The following TRPV3 variants were observed in gnomAD, a reference collection of about 807,000 sequenced individuals.
TRPV3 encodes transient receptor potential cation channel subfamily V member 3, also known as VRL-3.
A neutral mutation model predicts 87.1 loss-of-function variants in TRPV3; 88 were observed. The observed-to-expected ratio is 1.01, with a 90% CI of 0.85 to 1.21. The LOEUF (loss-of-function observed/expected upper bound fraction) is 1.21, where lower values mean the gene tolerates loss of function less well. Ranked by LOEUF, TRPV3 falls within the 50% of genes most tolerant of loss-of-function variation. The pLI, the probability that TRPV3 is intolerant of heterozygous loss-of-function variation, is 0.00. For missense variants in TRPV3, 1,054 were observed against 1,030.1 expected (o/e 1.02, Z -0.32); for synonymous variants, 438 against 423.3 (o/e 1.03, Z -0.43).
At position 3,514,684 on chromosome 17, in the gene TRPV3, A is replaced by G. The variant is rs1385535177; in HGVS notation, c.2199-12T>C. 2 of 1,606,916 alleles carry G rather than the reference A, an allele frequency of 1.2e-6. No individual in the cohort carries two copies. The highest frequency in any genetic ancestry group is 1.7e-6 in the Non-Finnish European group (2 of 1,173,802). On this transcript the variant is annotated splice_polypyrimidine_tract_variant and intron_variant, in intron 16 of 17. Coordinates refer to ENST00000576742, the MANE Select transcript of TRPV3 (RefSeq NM_145068.4). ...TCACCTCATTGATCCTGCAAATGTG[A>G]TAATCATTCTTACTATTTCACCAGT...
rs138521120 is a variant in TRPV3, at chr17:3,532,655, A to G, written c.1065+2T>C. Reference sequence around the variant, plus strand: ...CTGCCTCCCCACGCCCCATGGCCCCACCTCCGCCTTGCCCATCTTGGCGGC... The same window carrying G: ...CTGCCTCCCCACGCCCCATGGCCCCGCCTCCGCCTTGCCCATCTTGGCGGC... On this transcript the variant is annotated splice_donor_variant, in intron 8 of 17. Coordinates refer to ENST00000576742, the MANE Select transcript of TRPV3 (RefSeq NM_145068.4). LOFTEE classifies it high-confidence loss of function. 8.1e-5 allele frequency: 130 copies of G among 1,613,424 alleles called. No individual in the cohort carries two copies. Among genetic ancestry groups the G allele is most frequent in the Non-Finnish European group, 1.1e-4 (125 of 1,179,832 alleles).
chr17:3,529,671 C>A (rs932295488), intron 9 of TRPV3, among the ~76,000 whole-genome samples: 20 of 152,260 alleles, frequency 1.3e-4, no homozygotes, highest in African/African-American at 4.6e-4. Context: ...TGGCCGTATA[C>A]ACCAACGGGG....
chr17:3,524,111 C>G (rs1192552730), intron 13 of TRPV3, 87 bp downstream of exon 13: 2 of 1,536,368 alleles, frequency 1.3e-6, no homozygotes, highest in Non-Finnish European at 1.8e-6. Flanking sequence ...CCTTGGTAAA[C>G]CCCTCTTCCT....
At chr17:3,514,729 A>C (rs2074160567) in intron 16 of TRPV3, 57 bp from the exon 17 acceptor site, 4 of 1,373,132 alleles carry the variant, frequency 2.9e-6, no homozygotes, top group African/African-American at 1.4e-5. Flanking sequence ...AGTACTAACA[A>C]ATAGCCCTGC....
chr17:3,544,707 T>A, intron 3 of TRPV3, 42 bp from the exon 4 acceptor site: 1 of 1,469,618 alleles, frequency 6.8e-7, no homozygotes. Flanking sequence ...TTTTAAAGTT[T>A]TAAAATGGGC....
Position 3,528,101 on chromosome 17 carries a change from G to T in TRPV3, c.1427C>A (p.Thr476Lys), listed in dbSNP as rs766631634. 1.2e-6 allele frequency: 2 copies of T among 1,613,500 alleles called. No individual in the cohort carries two copies. Among genetic ancestry groups the T allele is most frequent in the East Asian group, 4.5e-5 (2 of 44,878 alleles). ...GAGCTGCAGCCACCCCATCTTGTGCGTCAGGGCCAAGGGGTGCGGGATGGC... is the reference window on the plus strand; with the variant it reads ...GAGCTGCAGCCACCCCATCTTGTGCTTCAGGGCCAAGGGGTGCGGGATGGC... The part of the protein sequence containing the change: ...EEAIPHPLAL[T>K]HKMGWLQLLG... The change falls in exon 11 of 18, where the codon ACG (threonine) becomes AAG (lysine). Residue 476 changes from threonine (T) to lysine (K), a missense_variant. By Grantham distance (78) the Thr-to-Lys change is moderately conservative (BLOSUM62 -1). Coordinates refer to ENST00000576742, the MANE Select transcript of TRPV3 (RefSeq NM_145068.4). The surrounding 1 kb of genome is among the most constrained non-coding windows in gnomAD (Gnocchi z 4.2).
In TRPV3 at chr17:3,530,359, T is replaced by A; in HGVS notation, c.1066-156A>T. The A allele has an allele frequency of 1.5e-6, 1 of 652,642 alleles. No individual in the cohort carries two copies. The highest frequency in any genetic ancestry group is 2.5e-6 in the Non-Finnish European group (1 of 399,084). 40.4% of individuals were successfully genotyped at this position (652,642 alleles called of 1,614,324 possible). On this transcript the variant is annotated intron_variant, in intron 8 of 17. Coordinates refer to ENST00000576742, the MANE Select transcript of TRPV3 (RefSeq NM_145068.4). The surrounding 1 kb of genome is among the most constrained non-coding windows in gnomAD (Gnocchi z 4.0). ...CTGGCGCCATGGCCCCTGGGCCCCG[T>A]CTTTATCTGTGGAATGCGCACAAAG...
rs1434687780 is a variant in TRPV3 at position 3,556,027 on chromosome 17, A to G, written c.-2-1175T>C. 6.6e-6 allele frequency among the ~76,000 whole-genome samples: 1 copy of G among 152,044 alleles called. No individual in the cohort carries two copies. On this transcript the variant is annotated intron_variant, in intron 1 of 17. Transcript: ENST00000576742. This position sits in a 1 kb window ranked among gnomAD's most constrained non-coding sequence, Gnocchi z 4.2. ...CCCCGTCTCTACTAAAATACAAAAAATTAGCCGGGCATGGTGGTACATGCC... is the reference window on the plus strand; with the variant it reads ...CCCCGTCTCTACTAAAATACAAAAAGTTAGCCGGGCATGGTGGTACATGCC...
intron 14 of TRPV3, among the ~76,000 whole-genome samples, chr17:3,519,890 T>TGAG (rs1567630908): frequency 1.2e-4 from 4 of 33,516 alleles, no homozygotes; most frequent in East Asian, 1.1e-3. Context: ...GGATGGATGA[T>TGAG]TGGATGGATG....
At chr17:3,526,494 AC>A (rs1316717223) in intron 12 of TRPV3, among the ~76,000 whole-genome samples, 4 of 148,090 alleles carry the variant, frequency 2.7e-5, no homozygotes, top group Non-Finnish European at 1.5e-5. Context: ...AAAAAAAAAA[AC>A]AACAACGTAA....
rs1279679619 is a variant in TRPV3 at position 3,544,625 on chromosome 17, G to A, written c.265C>T (p.Pro89Ser). Residue 89 changes from proline (P) to serine (S), a missense_variant, in exon 4 of 18, where the codon CCT becomes TCT. Transcript: ENST00000576742. ...NCDDMDSPQSPQDDVTETPSN... is the reference protein window; with the variant it reads ...NCDDMDSPQSSQDDVTETPSN... The stretch of plus-strand genomic sequence containing the variant: ...GGGGTCTCTGTCACATCATCCTGAG[G>A]AGACTGGGGGGAGTCCATGTCATCA... 1 of 1,609,442 alleles carries A rather than the reference G, an allele frequency of 6.2e-7. No individual in the cohort carries two copies. The highest frequency in any genetic ancestry group is 2.2e-5 in the East Asian group (1 of 44,586).
intron 15 of TRPV3, 115 bp from the exon 16 acceptor site, chr17:3,516,684 G>A (rs935631285): frequency 3.1e-5 from 23 of 746,224 alleles, no homozygotes; most frequent in Admixed American, 1.0e-4. Flanking sequence ...TGCATAGATC[G>A]CAAGGGTTTG....
chr17:3,514,493 T>C (rs2074155754), intron 17 of TRPV3, 100 bp downstream of exon 17: 3 of 826,356 alleles, frequency 3.6e-6, no homozygotes, highest in Non-Finnish European at 4.1e-6. Flanking sequence ...AACCCTCCCA[T>C]TTGACAGATG....
chr17:3,534,514 G>T (rs2074381780), intron 7 of TRPV3, among the ~76,000 whole-genome samples: 1 of 152,216 alleles, frequency 6.6e-6, no homozygotes, highest in Non-Finnish European at 1.5e-5. Flanking sequence ...AGAAATTTTT[G>T]TGTGTGACGG....
chr17:3,525,794 G>A (rs1025865920), intron 12 of TRPV3, among the ~76,000 whole-genome samples: 5 of 151,834 alleles, frequency 3.3e-5, no homozygotes, highest in African/African-American at 9.7e-5. Context: ...GCTAATTTTT[G>A]TATTTTTTGT....
In TRPV3 at chr17:3,556,197, A is replaced by AAT. The variant is rs200458269; in HGVS notation, c.-2-1346_-2-1345insAT. On this transcript the variant is annotated intron_variant, in intron 1 of 17. Coordinates refer to ENST00000576742, the MANE Select transcript of TRPV3 (RefSeq NM_145068.4). The surrounding 1 kb of genome is among the most constrained non-coding windows in gnomAD (Gnocchi z 4.2). The stretch of plus-strand genomic sequence containing the variant: ...GTCTCAAAAAAAATGAAAAAAAAAA[A>AAT]AAATAAAGTTTTTATTAAACATAAA... 0.013 allele frequency among the ~76,000 whole-genome samples: 2,032 copies of AAT among 151,872 alleles called. 39 individuals are homozygous for AAT. The highest frequency in any genetic ancestry group is 0.044 in the African/African-American group (1,826 of 41,424).
Position 3,557,608 on chromosome 17 carries a change from G to A in TRPV3, c.-3+68C>T, listed in dbSNP as rs530900592. 1.3e-5 allele frequency: 2 copies of A among 152,340 alleles called. No individual in the cohort carries two copies. The highest frequency in any genetic ancestry group is 1.9e-4 in the East Asian group (1 of 5,154). 9.4% of individuals were successfully genotyped at this position (152,340 alleles called of 1,614,324 possible). On this transcript the variant is annotated intron_variant, in intron 1 of 17. Transcript: ENST00000576742. The surrounding 1 kb of genome is among the most constrained non-coding windows in gnomAD (Gnocchi z 4.5). ...GGCAGACATGGCCCAGAGGACCTCT[G>A]AGGGCCACGCTCTGGGCTCCCCAGG...
chr17:3,549,744 G>A (rs1473151897), intron 2 of TRPV3, among the ~76,000 whole-genome samples: 5 of 150,996 alleles, frequency 3.3e-5, no homozygotes, highest in Non-Finnish European at 3.0e-5. Context: ...ATGGATGGAT[G>A]GATAGGTGGA....
At position 3,513,242 on chromosome 17, in the gene TRPV3, T is replaced by C. The variant is rs1317740088; in HGVS notation, c.*675A>G. On this transcript the variant is annotated 3_prime_UTR_variant, in exon 18 of 18. Coordinates refer to ENST00000576742, the MANE Select transcript of TRPV3 (RefSeq NM_145068.4). ...TGAAATGTCTTTTCCGTATTGCAAG[T>C]TAAAACCCTGTGTTAATTCTGCTAC... is the stretch of plus-strand genomic sequence containing the variant. 1 of 152,658 alleles carries C rather than the reference T, an allele frequency of 6.6e-6. No individual in the cohort carries two copies. Among genetic ancestry groups the C allele is most frequent in the Non-Finnish European group, 1.5e-5 (1 of 68,046 alleles). 9.5% of individuals were successfully genotyped at this position (152,658 alleles called of 1,614,324 possible). A position where few individuals can be genotyped will look rare whatever the true frequency, so the allele number is the denominator to read the frequency against.
Sources: allele counts gnomAD v4.1 joint callset (sites outside exome capture counted in the v4.1 genomes callset), GRCh38; gene constraint gnomAD v4.1.1; non-coding constraint Gnocchi (gnomAD v3.1); transcripts MANE v1.5; gene names NCBI Gene and HGNC (gene_info 2026-07-23, HGNC 2026-07-21).